PDPK1: variants seen among roughly 807,000 people sequenced by gnomAD.
PDPK1 encodes 3-phosphoinositide-dependent protein kinase 1.
A neutral mutation model predicts 39.8 loss-of-function variants in PDPK1; 7 were observed. That is an observed-to-expected ratio of 0.18 (90% CI 0.10 to 0.33). The LOEUF is 0.33. PDPK1 is among the 10% of genes least tolerant of loss of function. The pLI, the probability that PDPK1 is intolerant of heterozygous loss-of-function variation, is 1.00. For synonymous variants in PDPK1, 118 were observed against 159.1 expected (o/e 0.74, Z 1.95); for missense variants, 182 against 384.7 (o/e 0.47, Z 4.41).
chr16:2,598,974 GC>G lies in PDPK1; in HGVS notation c.*1208del, dbSNP rs1567174147. The G allele has an allele frequency of 4.3e-6, 1 of 233,190 alleles. No homozygotes were observed. Among genetic ancestry groups the G allele is most frequent in the Non-Finnish European group, 8.5e-6 (1 of 118,068 alleles). 14.4% of individuals were successfully genotyped at this position (233,190 alleles called of 1,614,324 possible). ...AGAGTGGGCTTTGCCAGTTGCTGTTGCACAGGAGGCGAGAACAGCACACTTC... is the reference window on the plus strand; with the variant it reads ...AGAGTGGGCTTTGCCAGTTGCTGTTGACAGGAGGCGAGAACAGCACACTTC... On this transcript the variant is annotated 3_prime_UTR_variant, in exon 14 of 14. Transcript: ENST00000342085.
intron 1 of PDPK1, among the ~76,000 whole-genome samples, chr16:2,544,432 G>T (rs921324119): frequency 7.9e-5 from 12 of 152,304 alleles, no homozygotes; most frequent in Middle Eastern, 3.4e-3. Flanking sequence ...GACTGAGGAT[G>T]AACCTTTCTC....
intron 1 of PDPK1, chr16:2,539,343 G>C (rs1310978447): frequency 6.5e-6 from 1 of 152,898 alleles, no homozygotes; most frequent in East Asian, 1.9e-4. Flanking sequence ...TCCTCCCAAA[G>C]TGCTAGGATT....
chr16:2,588,327 G>A (rs748789912), intron 11 of PDPK1, among the ~76,000 whole-genome samples: 5 of 152,178 alleles, frequency 3.3e-5, no homozygotes, highest in Non-Finnish European at 7.4e-5. Context: ...GCTGTGCTGC[G>A]CAGCTCCAAG....
chr16:2,600,000 TGCCTGA>T lies in PDPK1; in HGVS notation c.*2236_*2241del, dbSNP rs1399304926. 1 of 233,030 alleles carries T rather than the reference TGCCTGA, an allele frequency of 4.3e-6. No homozygotes were observed. The highest frequency in any genetic ancestry group is 2.2e-5 in the African/African-American group (1 of 45,100). The allele number at this position is 233,030 out of a possible 1,614,324, so 14.4% of individuals were successfully genotyped here. A position where few individuals can be genotyped will look rare whatever the true frequency, so the allele number is the denominator to read the frequency against. ...CAGCCGCCAGCCAAAATGATGCCAT[TGCCTGA>T]GCTGACAGCCAAGCCCTTCTGTGGG... On this transcript the variant is annotated 3_prime_UTR_variant, in exon 14 of 14. Transcript: ENST00000342085.
Position 2,602,304 on chromosome 16 carries a change from G to C in PDPK1, c.*4537G>C, listed in dbSNP as rs368831914. On this transcript the variant is annotated 3_prime_UTR_variant, in exon 14 of 14. Transcript: ENST00000342085. ...GGGCCACCACTTCTGGCCCAAAATT[G>C]CAGGGTTGTAGATGAGGCTGCCTGT... is the stretch of plus-strand genomic sequence containing the variant. 8.5e-6 allele frequency: 2 copies of C among 234,618 alleles called. No individual in the cohort carries two copies. Among genetic ancestry groups the C allele is most frequent in the East Asian group, 6.0e-5 (1 of 16,600 alleles). 14.5% of individuals were successfully genotyped at this position (234,618 alleles called of 1,614,324 possible). A position where few individuals can be genotyped will look rare whatever the true frequency, so the allele number is the denominator to read the frequency against.
chr16:2,601,451 G>A lies in PDPK1; in HGVS notation c.*3684G>A. 1 of 234,572 alleles carries A rather than the reference G, an allele frequency of 4.3e-6. No individual in the cohort carries two copies. The allele number at this position is 234,572 out of a possible 1,614,324, so 14.5% of individuals were successfully genotyped here. ...GCTCTCTGCCCTCCCTGCTGCCGTG[G>A]CTTTCAAGCGCTTGGCAGAATCTTG... On this transcript the variant is annotated 3_prime_UTR_variant, in exon 14 of 14. Coordinates refer to ENST00000342085, the MANE Select transcript of PDPK1 (RefSeq NM_002613.5).
intron 10 of PDPK1, among the ~76,000 whole-genome samples, chr16:2,584,881 G>T (rs1342429984): frequency 6.6e-6 from 1 of 152,206 alleles, no homozygotes; most frequent in Non-Finnish European, 1.5e-5. Context: ...GAGCCTCGAG[G>T]CCCTTGCCCC....
intron 11 of PDPK1, among the ~76,000 whole-genome samples, chr16:2,588,995 C>T (rs988954209): frequency 9.2e-5 from 14 of 152,142 alleles, no homozygotes; most frequent in African/African-American, 1.4e-4. Context: ...CTTGCTCTGT[C>T]GCCCAGGCTG....
chr16:2,577,124 A>G (rs1396053889), intron 6 of PDPK1: 1 of 524,028 alleles, frequency 1.9e-6, no homozygotes, highest in Non-Finnish European at 3.4e-6. Context: ...TCCTGCAGTG[A>G]GCCAGCCAGC....
chr16:2,597,269 C>A lies in PDPK1; in HGVS notation c.1548C>A (p.Val516=). The stretch of plus-strand genomic sequence containing the variant: ...CCAAGAATTTTAAAACTTTCTTTGT[C>A]CACACGGTGAGTCTGTTCCCAGGGA... The part of the protein sequence containing the change: ...PEAKNFKTFF[V]HTPNRTYYLM... Residue 516 remains valine, a synonymous_variant, in exon 13 of 14, where the codon GTC becomes GTA. Transcript: ENST00000342085. The surrounding 1 kb of genome is among the most constrained non-coding windows in gnomAD (Gnocchi z 6.3). 6.3e-7 allele frequency: 1 copy of A among 1,584,196 alleles called. No homozygotes were observed. The highest frequency in any genetic ancestry group is 8.6e-7 in the Non-Finnish European group (1 of 1,157,080).
rs2067187953 is a variant in PDPK1 at position 2,600,146 on chromosome 16, A to C, written c.*2379A>C. The C allele has an allele frequency of 8.6e-6, 2 of 233,066 alleles. No individual in the cohort carries two copies. Among genetic ancestry groups the C allele is most frequent in the Admixed American group, 5.6e-5 (1 of 17,780 alleles). 14.4% of individuals were successfully genotyped at this position (233,066 alleles called of 1,614,324 possible). On this transcript the variant is annotated 3_prime_UTR_variant, in exon 14 of 14. Coordinates refer to ENST00000342085, the MANE Select transcript of PDPK1 (RefSeq NM_002613.5). ...CCGGTTTTCTCTACCACATCCTTAG[A>C]GCCATCACCTGGCACGCAGGCGCCT...
rs753681549 is a variant in PDPK1 at position 2,586,704 on chromosome 16, G to A, written c.1154G>A (p.Cys385Tyr). Reference protein sequence around the residue: ...NYDNLLSQFGCMQVSSSSSSH... With the variant: ...NYDNLLSQFGYMQVSSSSSSH... ...GACAATCTCCTGAGCCAGTTTGGCT[G>A]CATGCAGGTGTCTTCGTCCTCCTCC... The change falls in exon 11 of 14, where the codon TGC becomes TAC. Residue 385 changes from cysteine (C) to tyrosine (Y), a missense_variant. Transcript: ENST00000342085. 6.2e-7 allele frequency: 1 copy of A among 1,614,254 alleles called. No individual in the cohort carries two copies. The highest frequency in any genetic ancestry group is 2.2e-5 in the East Asian group (1 of 44,888).
At position 2,600,138 on chromosome 16, in the gene PDPK1, A is replaced by G. The variant is rs1275136519; in HGVS notation, c.*2371A>G. ...TGTCTACTCCGGTTTTCTCTACCAC[A>G]TCCTTAGAGCCATCACCTGGCACGC... On this transcript the variant is annotated 3_prime_UTR_variant, in exon 14 of 14. Transcript: ENST00000342085. The G allele has an allele frequency of 4.3e-6, 1 of 232,994 alleles. No individual in the cohort carries two copies. Among genetic ancestry groups the G allele is most frequent in the Non-Finnish European group, 8.5e-6 (1 of 118,024 alleles). The allele number at this position is 232,994 out of a possible 1,614,324, so 14.4% of individuals were successfully genotyped here.
intron 11 of PDPK1, among the ~76,000 whole-genome samples, chr16:2,587,439 C>T (rs1032720145): frequency 6.6e-6 from 1 of 152,274 alleles, no homozygotes; most frequent in East Asian, 1.9e-4. Flanking sequence ...GCAGATGTCT[C>T]CTGTGTTCAT....
In PDPK1 at chr16:2,591,088, G is replaced by A. The variant is rs1313542426; in HGVS notation, c.1343+4195G>A. On this transcript the variant is annotated intron_variant, in intron 11 of 13. Coordinates refer to ENST00000342085, the MANE Select transcript of PDPK1 (RefSeq NM_002613.5). ...AGCATTTCTCCTGCCTCAGCCTCCC[G>A]AGGAGCTGGGATTACAGGCGTGTAC... Among the ~76,000 whole-genome samples, 5 of 151,498 alleles carry A rather than the reference G, an allele frequency of 3.3e-5. No homozygotes were observed. In the East Asian group the frequency reaches 5.9e-4, roughly 18 times the overall value.
intron 11 of PDPK1, among the ~76,000 whole-genome samples, chr16:2,590,664 T>C (rs537883309): frequency 3.9e-4 from 60 of 152,370 alleles, no homozygotes; most frequent in African/African-American, 1.3e-3. Context: ...CTTGTTACTT[T>C]AAGGAAAACA....
chr16:2,540,071 C>T (rs2066216731), intron 1 of PDPK1, among the ~76,000 whole-genome samples: 3 of 152,162 alleles, frequency 2.0e-5, no homozygotes, highest in South Asian at 4.1e-4. Flanking sequence ...GAGAACATGC[C>T]GTGTTTCCTG....
At chr16:2,589,720 AAG>A (rs545496684) in intron 11 of PDPK1, among the ~76,000 whole-genome samples, 184 of 152,200 alleles carry the variant, frequency 1.2e-3, no homozygotes, top group Non-Finnish European at 2.3e-3. Flanking sequence ...AAAAAGGTAA[AAG>A]GAATTTTTAA....
chr16:2,597,573 C>A lies in PDPK1; in HGVS notation c.1555-78C>A. ...GCTTTCAGGACTCGGAATGGCTGGTCGCAGGCAGCTCACCAGGTTGGGGTG... is the reference window on the plus strand; with the variant it reads ...GCTTTCAGGACTCGGAATGGCTGGTAGCAGGCAGCTCACCAGGTTGGGGTG... On this transcript the variant is annotated intron_variant, in intron 13 of 13. Transcript: ENST00000342085. The surrounding 1 kb of genome is among the most constrained non-coding windows in gnomAD (Gnocchi z 6.3). 2 of 1,035,200 alleles carry A rather than the reference C, an allele frequency of 1.9e-6. No homozygotes were observed. The highest frequency in any genetic ancestry group is 2.6e-5 in the South Asian group (2 of 78,334). 64.1% of individuals were successfully genotyped at this position (1,035,200 alleles called of 1,614,324 possible).
Sources: allele counts gnomAD v4.1 joint callset (sites outside exome capture counted in the v4.1 genomes callset), GRCh38; gene constraint gnomAD v4.1.1; non-coding constraint Gnocchi (gnomAD v3.1); transcripts MANE v1.5; gene names NCBI Gene and HGNC (gene_info 2026-07-23, HGNC 2026-07-21).